PCDHA3: variants seen among roughly 807,000 people sequenced by gnomAD.
PCDHA3 encodes protocadherin alpha 3.
In PCDHA3, 41 loss-of-function variants were observed where a neutral mutation model predicts 62.2. The observed-to-expected ratio is 0.66, with a 90% CI of 0.51 to 0.86. The LOEUF (loss-of-function observed/expected upper bound fraction) is 0.86, where lower values mean the gene tolerates loss of function less well. Ranked by LOEUF, PCDHA3 falls within the 40% of genes least tolerant of loss-of-function variation. PCDHA3 has a pLI of 0.00. For synonymous variants in PCDHA3, 640 were observed against 555.4 expected (o/e 1.15, Z -2.14); for missense variants, 1,304 against 1,241.2 (o/e 1.05, Z -0.76).
At chr5:140,932,633 A>T (rs1192123242) in intron 1 of PCDHA3, among the ~76,000 whole-genome samples, 1 of 151,912 alleles carries the variant, frequency 6.6e-6, no homozygotes, top group African/African-American at 2.4e-5. Flanking sequence ...ACACTAAAAA[A>T]CTTTAGAATG....
intron 1 of PCDHA3, chr5:140,809,389 G>A (rs781832159): frequency 2.5e-6 from 4 of 1,614,058 alleles, no homozygotes; most frequent in East Asian, 4.5e-5. Flanking sequence ...CGTGCGCTCC[G>A]GGCAAGCCCA....
At chr5:140,845,204 TAA>T (rs1554140859) in intron 1 of PCDHA3, among the ~76,000 whole-genome samples, 1 of 149,338 alleles carries the variant, frequency 6.7e-6, no homozygotes, top group Non-Finnish European at 1.5e-5. Flanking sequence ...TGTTTTCATT[TAA>T]GTCCTTTTAA....
rs1554121517 is a variant in PCDHA3 at position 140,801,494 on chromosome 5, C to G, written c.297C>G (p.Ser99Arg). 2 of 1,614,120 alleles carry G rather than the reference C, an allele frequency of 1.2e-6. No homozygotes were observed. The highest frequency in any genetic ancestry group is 1.7e-6 in the Non-Finnish European group (2 of 1,180,038). ...RIDREELCGR[S>R]AECSIHLEVI... ...ACCGCGAGGAACTGTGCGGGCGGAG[C>G]GCGGAGTGCAGCATCCACCTGGAGG... Residue 99 changes from serine to arginine, a missense_variant, in exon 1 of 4, where the codon AGC (serine) becomes AGG (arginine). Ser to Arg is a moderately radical substitution (Grantham distance 110). Coordinates refer to ENST00000522353, the MANE Select transcript of PCDHA3 (RefSeq NM_018906.3).
At chr5:140,971,844 C>T (rs1209652703) in intron 1 of PCDHA3, among the ~76,000 whole-genome samples, 2 of 151,920 alleles carry the variant, frequency 1.3e-5, no homozygotes, top group African/African-American at 2.4e-5. Flanking sequence ...GCAAGTCATG[C>T]GTTAAATATT....
chr5:140,853,169 G>C lies in PCDHA3; in HGVS notation c.2394+49578G>C, dbSNP rs1002466846. 32 of 959,704 alleles carry C rather than the reference G, an allele frequency of 3.3e-5. 1 individual carries two copies. The South Asian group carries it at 1.3e-3, about 40-fold the overall frequency. 59.4% of individuals were successfully genotyped at this position (959,704 alleles called of 1,614,324 possible). ...GCTGGGATTACAGGCGTGAGCCACC[G>C]CGCCTGGCCTAAAATGTGTTCTTTA... On this transcript the variant is annotated intron_variant, in intron 1 of 3. Transcript: ENST00000522353.
intron 1 of PCDHA3, chr5:140,815,254 C>A (rs1765683212): frequency 2.0e-5 from 3 of 152,030 alleles, no homozygotes. Context: ...AGCTTGTAGA[C>A]TTTTTGCTCC....
chr5:140,887,482 CT>C lies in PCDHA3; in HGVS notation c.2394+83893del, dbSNP rs2061466213. 4.6e-5 allele frequency among the ~76,000 whole-genome samples: 7 copies of C among 152,170 alleles called. 1 individual carries two copies. The highest frequency in any genetic ancestry group is 4.6e-4 in the Admixed American group (7 of 15,274). ...AAGATATAATTCAGTTGTCTTCTGG[CT>C]TGCATAGTTTCTAATAAGATGTTTG... On this transcript the variant is annotated intron_variant, in intron 1 of 3. Coordinates refer to ENST00000522353, the MANE Select transcript of PCDHA3 (RefSeq NM_018906.3).
intron 1 of PCDHA3, among the ~76,000 whole-genome samples, chr5:140,965,863 A>T (rs1275095146): frequency 6.6e-6 from 1 of 152,218 alleles, no homozygotes; most frequent in Non-Finnish European, 1.5e-5. Flanking sequence ...ACTGAAAATA[A>T]GGGCCACTTG....
chr5:140,993,694 T>C (rs1192686372), intron 3 of PCDHA3, among the ~76,000 whole-genome samples: 1 of 152,186 alleles, frequency 6.6e-6, no homozygotes, highest in African/African-American at 2.4e-5. Flanking sequence ...TCCCATAAGA[T>C]TGTAATACCA....
At chr5:140,968,170 C>G in intron 1 of PCDHA3, 1 of 1,614,132 alleles carries the variant, frequency 6.2e-7, no homozygotes, top group Middle Eastern at 1.6e-4. Context: ...ATCCACCAAG[C>G]TTCCTGGAGG....
At chr5:140,925,108 G>GAAGGAA (rs2082318586) in intron 1 of PCDHA3, among the ~76,000 whole-genome samples, 1 of 124,702 alleles carries the variant, frequency 8.0e-6, no homozygotes, top group African/African-American at 3.3e-5. Context: ...GAAGGAAGGA[G>GAAGGAA]GGAAGGAAGG....
At chr5:140,845,964 G>A (rs1780137378) in intron 1 of PCDHA3, among the ~76,000 whole-genome samples, 1 of 149,394 alleles carries the variant, frequency 6.7e-6, no homozygotes, top group Non-Finnish European at 1.5e-5. Context: ...GATTAACCTA[G>A]GATGTTTCAA....
intron 1 of PCDHA3, among the ~76,000 whole-genome samples, chr5:140,890,337 A>G (rs1256335004): frequency 3.3e-5 from 5 of 152,192 alleles, no homozygotes; most frequent in African/African-American, 1.2e-4. Flanking sequence ...GGTAGTTGGG[A>G]TGGTTTACTA....
chr5:140,855,992 T>A lies in PCDHA3; in HGVS notation c.2394+52401T>A, dbSNP rs2043714140. On this transcript the variant is annotated intron_variant, in intron 1 of 3. Transcript: ENST00000522353. ...AAGAAATAGGACAGAAAATGTCAGA[T>A]CGTATGTGCGTTCTAGACCGCTGAT... 1.6e-5 allele frequency: 24 copies of A among 1,492,840 alleles called. 4 individuals carry two copies. The highest frequency in any genetic ancestry group is 1.2e-4 in the South Asian group (9 of 76,326). 92.5% of individuals were successfully genotyped at this position (1,492,840 alleles called of 1,614,324 possible).
intron 1 of PCDHA3, among the ~76,000 whole-genome samples, chr5:140,821,071 G>GA: frequency 6.6e-6 from 1 of 151,924 alleles, no homozygotes; most frequent in Non-Finnish European, 1.5e-5. Flanking sequence ...AATAGTTTTA[G>GA]TTGTTTTTGA....
At chr5:140,852,033 A>C in intron 1 of PCDHA3, 2 of 934,104 alleles carry the variant, frequency 2.1e-6, no homozygotes, top group Non-Finnish European at 2.6e-6. Context: ...TCGCTTATTG[A>C]GTTTTTGTTA....
intron 1 of PCDHA3, chr5:140,851,022 TA>T: frequency 7.0e-7 from 1 of 1,428,364 alleles, no homozygotes; most frequent in Non-Finnish European, 9.2e-7. Flanking sequence ...TCTGATAAAG[TA>T]AACCCCTTAA....
intron 3 of PCDHA3, among the ~76,000 whole-genome samples, chr5:140,984,776 G>C (rs1310495858): frequency 6.6e-6 from 1 of 152,062 alleles, no homozygotes; most frequent in Non-Finnish European, 1.5e-5. Context: ...AAGCTTACTT[G>C]CTGGGTGAGC....
chr5:140,942,497 G>A (rs189402882), intron 1 of PCDHA3, among the ~76,000 whole-genome samples: 1 of 152,040 alleles, frequency 6.6e-6, no homozygotes, highest in Admixed American at 6.6e-5. Context: ...TAAATACATG[G>A]TATCTAGGAA....
Sources: gnomAD v4.1 joint callset for allele counts (sites outside exome capture counted in the v4.1 genomes callset) on GRCh38, gnomAD v4.1.1 for gene constraint, MANE v1.5 for transcripts, NCBI Gene and HGNC (gene_info 2026-07-23, HGNC 2026-07-21) for gene names.